ZNF670: variants seen among roughly 807,000 people sequenced by gnomAD.
The protein encoded by ZNF670 is zinc finger protein 670.
A neutral mutation model predicts 10.9 loss-of-function variants in ZNF670; 7 were observed. The ratio of observed to expected loss-of-function variants is 0.64; its 90% CI spans 0.36 to 1.20. ZNF670 has a LOEUF of 1.20. Ranked by LOEUF, ZNF670 falls within the 50% of genes most tolerant of loss-of-function variation. The pLI, the probability that ZNF670 is intolerant of heterozygous loss-of-function variation, is 0.02. For synonymous variants in ZNF670, 136 were observed against 152.7 expected, an observed-to-expected ratio of 0.89 and a Z score of 0.81; for missense variants, 446 against 458.6, an observed-to-expected ratio of 0.97 and a Z score of 0.25.
chr1:247,073,163 C>G (rs750057562), intron 1 of ZNF670, among the ~76,000 whole-genome samples: 6 of 152,062 alleles, frequency 3.9e-5, no homozygotes, highest in Non-Finnish European at 8.8e-5. Context: ...CAAGAATTAT[C>G]TACGATTTTT....
At chr1:247,065,559 T>C (rs183245370) in intron 1 of ZNF670, among the ~76,000 whole-genome samples, 88 of 152,170 alleles carry the variant, frequency 5.8e-4, no homozygotes, top group Non-Finnish European at 7.9e-4. Context: ...TGGGAAAAAA[T>C]ATATTTGCAG....
intron 1 of ZNF670, among the ~76,000 whole-genome samples, chr1:247,047,657 A>T (rs1197635657): frequency 2.0e-5 from 3 of 152,214 alleles, no homozygotes; most frequent in Admixed American, 6.5e-5. Flanking sequence ...ACTTCTGCCT[A>T]GACGTCCGGG....
chr1:247,055,371 T>A (rs1670691379), intron 1 of ZNF670, among the ~76,000 whole-genome samples: 1 of 152,164 alleles, frequency 6.6e-6, no homozygotes, highest in Non-Finnish European at 1.5e-5. Flanking sequence ...TCCTGATTGG[T>A]CCCAGGCCAA....
intron 1 of ZNF670, among the ~76,000 whole-genome samples, chr1:247,069,058 T>A (rs1402325808): frequency 1.4e-5 from 2 of 147,092 alleles, no homozygotes; most frequent in African/African-American, 5.3e-5. Flanking sequence ...GGAGGAGAGG[T>A]GGAGACAGTT....
rs554390970 is a variant in ZNF670, at chr1:247,043,193, G to A, written c.4-3656C>T. On this transcript the variant is annotated intron_variant, in intron 1 of 3. Transcript: ENST00000366503. ...CATGTTCTACGTGCTGGACCCTCAT[G>A]ACAAGGGCCATACGCATCACTAACA... 2.1e-5 allele frequency: 15 copies of A among 731,584 alleles called. No homozygotes were observed. In the East Asian group the frequency reaches 4.7e-4, roughly 23 times the overall value. The allele number at this position is 731,584 out of a possible 1,614,324, so 45.3% of individuals were successfully genotyped here. A position where few individuals can be genotyped will look rare whatever the true frequency, so the allele number is the denominator to read the frequency against.
chr1:247,044,324 C>G (rs1670388837), intron 1 of ZNF670, among the ~76,000 whole-genome samples: 3 of 151,942 alleles, frequency 2.0e-5, no homozygotes, highest in Non-Finnish European at 4.4e-5. Flanking sequence ...GGCAAAGTAG[C>G]GCAGAAAATG....
intron 1 of ZNF670, among the ~76,000 whole-genome samples, chr1:247,045,310 T>C (rs1014916005): frequency 2.0e-5 from 3 of 152,172 alleles, no homozygotes; most frequent in African/African-American, 7.2e-5. Context: ...CCAAATCTCA[T>C]GTTTAAATGT....
chr1:247,045,223 C>CT (rs1297163468), intron 1 of ZNF670, among the ~76,000 whole-genome samples: 7 of 152,274 alleles, frequency 4.6e-5, no homozygotes, highest in Middle Eastern at 3.4e-3. Context: ...GGTGCCCAGG[C>CT]TTAGGGATCC....
Position 247,066,815 on chromosome 1 carries a change from T to C in ZNF670, c.3+11779A>G, listed in dbSNP as rs146066764. 2.6e-5 allele frequency among the ~76,000 whole-genome samples: 4 copies of C among 152,336 alleles called. No individual in the cohort carries two copies. In the East Asian group the frequency reaches 7.7e-4, roughly 29 times the overall value. Reference sequence around the variant, plus strand: ...TTCTGAAGCCTGCTATCTGGGGATTTCATCTGCGTGATAAAACCTTAGTTT... The same window carrying C: ...TTCTGAAGCCTGCTATCTGGGGATTCCATCTGCGTGATAAAACCTTAGTTT... On this transcript the variant is annotated intron_variant, in intron 1 of 3. Coordinates refer to ENST00000366503, the MANE Select transcript of ZNF670 (RefSeq NM_033213.5).
chr1:247,069,173 A>G (rs1042625007), intron 1 of ZNF670, among the ~76,000 whole-genome samples: 1 of 151,184 alleles, frequency 6.6e-6, no homozygotes, highest in African/African-American at 2.5e-5. Context: ...ATTTTAACGT[A>G]ACTTAAAGAG....
intron 1 of ZNF670, among the ~76,000 whole-genome samples, chr1:247,049,098 C>CTTTTTTTTTTTTT (rs772486522): frequency 8.0e-6 from 1 of 124,554 alleles, no homozygotes. Flanking sequence ...TGTTTCATTT[C>CTTTTTTTTTTTTT]TTTTTTTTTT....
chr1:247,036,028 C>T lies in ZNF670; in HGVS notation c.*1421G>A, dbSNP rs1267539886. ...GAATCTGGGGTTTACAGATGTTCAA[C>T]CTGTAGATAAAATACTTATATTCCA... On this transcript the variant is annotated 3_prime_UTR_variant, in exon 4 of 4. Transcript: ENST00000366503. Among the ~76,000 whole-genome samples, 1 of 152,094 alleles carries T rather than the reference C, an allele frequency of 6.6e-6. No individual in the cohort carries two copies. Among genetic ancestry groups the T allele is most frequent in the Non-Finnish European group, 1.5e-5 (1 of 68,020 alleles).
intron 1 of ZNF670, among the ~76,000 whole-genome samples, chr1:247,047,960 T>A (rs1451905012): frequency 6.6e-6 from 1 of 152,234 alleles, no homozygotes; most frequent in East Asian, 1.9e-4. Flanking sequence ...ACCTCTGACA[T>A]GTCCTAAAGA....
At chr1:247,059,473 GTAAA>G (rs1670804487) in intron 1 of ZNF670, among the ~76,000 whole-genome samples, 1 of 151,062 alleles carries the variant, frequency 6.6e-6, no homozygotes. Context: ...AAATAAATGA[GTAAA>G]TAAATAAACA....
At chr1:247,050,528 T>C (rs1040076891) in intron 1 of ZNF670, among the ~76,000 whole-genome samples, 8 of 150,522 alleles carry the variant, frequency 5.3e-5, no homozygotes, top group Non-Finnish European at 1.2e-4. Context: ...CAGGCTGGAG[T>C]GCAGTGGCAC....
intron 1 of ZNF670, among the ~76,000 whole-genome samples, chr1:247,056,733 G>A (rs1056375972): frequency 1.3e-5 from 2 of 152,110 alleles, no homozygotes; most frequent in African/African-American, 4.8e-5. Flanking sequence ...AAGGTACCAA[G>A]AACACACACT....
chr1:247,073,516 A>T (rs746107256), intron 1 of ZNF670, among the ~76,000 whole-genome samples: 4 of 152,034 alleles, frequency 2.6e-5, no homozygotes, highest in Non-Finnish European at 4.4e-5. Context: ...AGCTCCACAC[A>T]CCCTATTTAT....
Position 247,036,441 on chromosome 1 carries a change from C to T in ZNF670, c.*1008G>A, listed in dbSNP as rs898001607. Among the ~76,000 whole-genome samples, 5 of 152,214 alleles carry T rather than the reference C, an allele frequency of 3.3e-5. No individual in the cohort carries two copies. In the South Asian group the frequency reaches 8.3e-4, roughly 25 times the overall value. On this transcript the variant is annotated 3_prime_UTR_variant, in exon 4 of 4. Transcript: ENST00000366503. The stretch of plus-strand genomic sequence containing the variant: ...GCTGAGGCAGGAGGATAGCTTGAGG[C>T]CAGGAATTCAATACCAGCCTAGACA...
At chr1:247,058,084 A>C (rs71638378) in intron 1 of ZNF670, among the ~76,000 whole-genome samples, 3,630 of 152,368 alleles carry the variant, frequency 0.024, 63 homozygotes, top group Non-Finnish European at 0.041. Flanking sequence ...TGCCCGTATC[A>C]AAATATCTCA....
Sources: allele counts gnomAD v4.1 joint callset (sites outside exome capture counted in the v4.1 genomes callset), GRCh38; gene constraint gnomAD v4.1.1; transcripts MANE v1.5; gene names NCBI Gene and HGNC (gene_info 2026-07-23, HGNC 2026-07-21).